Variants in PCDHGA6 observed in about 807,000 individuals in gnomAD.
PCDHGA6 encodes protocadherin gamma subfamily A, 6, also known as protocadherin gamma-A6.
PCDHGA6 carries 41 observed loss-of-function variants against 60.6 expected under a neutral mutation model. The ratio of observed to expected loss-of-function variants is 0.68; its 90% CI spans 0.53 to 0.88. The LOEUF (loss-of-function observed/expected upper bound fraction) is 0.88. Among genes scored for constraint, PCDHGA6 ranks in the 40% least tolerant of loss-of-function variants. PCDHGA6 has a pLI of 0.00. For missense variants in PCDHGA6, 1,312 were observed against 1,203.0 expected (o/e 1.09, Z -1.34); for synonymous variants, 594 against 524.4 (o/e 1.13, Z -1.81).
At chr5:141,420,210 A>T (rs1415966611) in intron 1 of PCDHGA6, 1 of 1,612,612 alleles carries the variant, frequency 6.2e-7, no homozygotes, top group East Asian at 2.2e-5. Flanking sequence ...CTCAACAAAG[A>T]TAGCATGCTA....
chr5:141,429,698 A>G (rs1436698608), intron 1 of PCDHGA6, among the ~76,000 whole-genome samples: 2 of 152,228 alleles, frequency 1.3e-5, no homozygotes, highest in Admixed American at 6.5e-5. Flanking sequence ...ATATCTTTAC[A>G]GTATAAATAT....
Position 141,486,058 on chromosome 5 carries a change from G to A in PCDHGA6, c.2425-8749G>A. On this transcript the variant is annotated intron_variant, in intron 1 of 3. Transcript: ENST00000517434. The surrounding 1 kb of genome is among the most constrained non-coding windows in gnomAD (Gnocchi z 5.0). The stretch of plus-strand genomic sequence containing the variant: ...ATCGTGTAAGAAACCTCTTTAGCCT[G>A]CACCCCACTACTGGAAAGCTTACTC... The A allele has an allele frequency of 6.2e-7, 1 of 1,614,122 alleles. No homozygotes were observed. The highest frequency in any genetic ancestry group is 8.5e-7 in the Non-Finnish European group (1 of 1,180,012).
At chr5:141,444,473 G>C (rs943971075) in intron 1 of PCDHGA6, among the ~76,000 whole-genome samples, 6 of 151,972 alleles carry the variant, frequency 3.9e-5, no homozygotes, top group South Asian at 2.1e-4. Flanking sequence ...GCCCGGTCGC[G>C]TACTGGATTT....
chr5:141,388,875 G>T lies in PCDHGA6; in HGVS notation c.2424+12368G>T, dbSNP rs201053346. ...TGGAGGAATGATTGCGCAATGCACAGTGGAGGTAGAAGTCATAGATGAAAA... is the reference window on the plus strand; with the variant it reads ...TGGAGGAATGATTGCGCAATGCACATTGGAGGTAGAAGTCATAGATGAAAA... On this transcript the variant is annotated intron_variant, in intron 1 of 3. Coordinates refer to ENST00000517434, the MANE Select transcript of PCDHGA6 (RefSeq NM_018919.3). 1.4e-4 allele frequency: 224 copies of T among 1,614,024 alleles called. No homozygotes were observed. The highest frequency in any genetic ancestry group is 1.8e-4 in the Non-Finnish European group (214 of 1,179,874).
At chr5:141,409,916 T>C (rs762510018) in intron 1 of PCDHGA6, 3 of 1,613,298 alleles carry the variant, frequency 1.9e-6, no homozygotes, top group Non-Finnish European at 2.5e-6. Flanking sequence ...TCCTGACGGC[T>C]CCGCGTTCTT....
intron 1 of PCDHGA6, chr5:141,389,451 C>T: frequency 6.2e-7 from 1 of 1,610,536 alleles, no homozygotes; most frequent in South Asian, 1.1e-5. Context: ...CCACGAGCAG[C>T]TGCGCGCCTT....
chr5:141,473,665 T>C (rs1054239218), intron 1 of PCDHGA6, among the ~76,000 whole-genome samples: 1 of 152,142 alleles, frequency 6.6e-6, no homozygotes, highest in Non-Finnish European at 1.5e-5. Context: ...GTGAAGGCCC[T>C]GAGACAGGGA....
chr5:141,439,676 G>A (rs543598257), intron 1 of PCDHGA6, among the ~76,000 whole-genome samples: 27 of 152,292 alleles, frequency 1.8e-4, no homozygotes, highest in Admixed American at 1.0e-3. Flanking sequence ...GCAAATCCAA[G>A]AGCAGACCCA....
chr5:141,387,726 G>C, intron 1 of PCDHGA6: 7 of 1,198,740 alleles, frequency 5.8e-6, no homozygotes, highest in Non-Finnish European at 8.0e-6. Context: ...ACTCCCCAGC[G>C]CCAGCCTTTA....
intron 1 of PCDHGA6, among the ~76,000 whole-genome samples, chr5:141,424,973 G>A (rs2096851520): frequency 6.6e-6 from 1 of 152,108 alleles, no homozygotes; most frequent in African/African-American, 2.4e-5. Flanking sequence ...AAATTACTTG[G>A]ATATTTATGT....
chr5:141,478,352 G>T lies in PCDHGA6; in HGVS notation c.2425-16455G>T, dbSNP rs767743120. 36 of 1,613,674 alleles carry T rather than the reference G, an allele frequency of 2.2e-5. No homozygotes were observed. Among genetic ancestry groups the T allele is most frequent in the Non-Finnish European group, 3.1e-5 (36 of 1,180,016 alleles). On this transcript the variant is annotated intron_variant, in intron 1 of 3. Transcript: ENST00000517434. ...ACCAGGGCCCTCCTTGCACGCGGACGCCGTGCGGGGAGGCCTGATGTCGCC... is the reference window on the plus strand; with the variant it reads ...ACCAGGGCCCTCCTTGCACGCGGACTCCGTGCGGGGAGGCCTGATGTCGCC...
chr5:141,505,302 G>GTAC, intron 2 of PCDHGA6, 91 bp from the exon 3 acceptor site: 5 of 1,592,714 alleles, frequency 3.1e-6, no homozygotes, highest in Non-Finnish European at 4.3e-6. Context: ...TAGGGTTAGG[G>GTAC]TACTAGGTTT....
intron 1 of PCDHGA6, chr5:141,392,696 T>A: frequency 8.2e-7 from 1 of 1,212,692 alleles, no homozygotes. Flanking sequence ...ACCCGACCCC[T>A]GTTTGGAGGC....
chr5:141,381,826 C>CTTTTTTTTTTTTTTTTTTTTTTT (rs770630741), intron 1 of PCDHGA6, among the ~76,000 whole-genome samples: 5 of 74,282 alleles, frequency 6.7e-5, no homozygotes, highest in Non-Finnish European at 1.2e-4. Context: ...CTTTCTTCTT[C>CTTTTTTTTTTTTTTTTTTTTTTT]TTTTTTTTTT....
Position 141,491,417 on chromosome 5 carries a change from G to A in PCDHGA6, c.2425-3390G>A, listed in dbSNP as rs200843744. 5 of 1,613,988 alleles carry A rather than the reference G, an allele frequency of 3.1e-6. No homozygotes were observed. The highest frequency in any genetic ancestry group is 1.1e-5 in the South Asian group (1 of 91,092). Reference sequence around the variant, plus strand: ...CAGGGAAACGCAGACGGGGACGGGGGTGGAGGGCAGTGCTGCAGGCGCCAG... The same window carrying A: ...CAGGGAAACGCAGACGGGGACGGGGATGGAGGGCAGTGCTGCAGGCGCCAG... On this transcript the variant is annotated intron_variant, in intron 1 of 3. Transcript: ENST00000517434. The surrounding 1 kb of genome is among the most constrained non-coding windows in gnomAD (Gnocchi z 6.9).
intron 1 of PCDHGA6, chr5:141,478,531 C>G (rs771145308): frequency 1.2e-6 from 2 of 1,608,190 alleles, no homozygotes; most frequent in East Asian, 2.2e-5. Context: ...GTGCAGAGAG[C>G]GCCCCTCCCG....
At chr5:141,389,424 G>C (rs746873845) in intron 1 of PCDHGA6, 1 of 1,613,390 alleles carries the variant, frequency 6.2e-7, no homozygotes, top group African/African-American at 1.3e-5. Flanking sequence ...GGTGGTGTTC[G>C]CGCAGCGCGC....
intron 1 of PCDHGA6, chr5:141,403,336 C>T (rs2094393288): frequency 1.9e-6 from 3 of 1,614,032 alleles, no homozygotes; most frequent in Non-Finnish European, 2.5e-6. Flanking sequence ...ATATTAACGA[C>T]AGCGCCCCAA....
chr5:141,398,237 T>G, intron 1 of PCDHGA6: 1 of 1,479,534 alleles, frequency 6.8e-7, no homozygotes, highest in Non-Finnish European at 9.2e-7. Context: ...CGCTACAGGA[T>G]TCCCGAGGAA....
Sources: allele counts gnomAD v4.1 joint callset (sites outside exome capture counted in the v4.1 genomes callset), GRCh38; gene constraint gnomAD v4.1.1; non-coding constraint Gnocchi (gnomAD v3.1); transcripts MANE v1.5; gene names NCBI Gene and HGNC (gene_info 2026-07-23, HGNC 2026-07-21).